RFX1: variants seen among roughly 807,000 people sequenced by gnomAD.
RFX1 encodes regulatory factor X1.
Under a neutral mutation model 119.6 loss-of-function variants are expected in RFX1, and 42 were observed. The observed-to-expected ratio is 0.35, with a 90% CI of 0.27 to 0.45. RFX1 has a LOEUF of 0.45. Ranked by LOEUF, RFX1 falls within the 20% of genes least tolerant of loss-of-function variation. The probability of loss-of-function intolerance (pLI) is 1.00; values close to 1 mark genes in which losing one functional copy is unlikely to be tolerated. For missense variants in RFX1, 1,118 were observed against 1,368.1 expected (o/e 0.82, Z 2.88); for synonymous variants, 628 against 618.5 (o/e 1.02, Z -0.23).
chr19:13,986,725 G>A lies in RFX1; in HGVS notation c.320-3130C>T, dbSNP rs1433338218. ...TCTGACACATTAACATCTCTGAGCA[G>A]TGGAATGACTCTGACAAGTGGGCAC... is the stretch of plus-strand genomic sequence containing the variant. On this transcript the variant is annotated intron_variant, in intron 2 of 20. Transcript: ENST00000254325. The surrounding 1 kb of genome is among the most constrained non-coding windows in gnomAD (Gnocchi z 4.2). Among the ~76,000 whole-genome samples the A allele has an allele frequency of 6.6e-6, 1 of 152,270 alleles. No homozygotes were observed. The highest frequency in any genetic ancestry group is 1.9e-4 in the East Asian group (1 of 5,168).
In RFX1 at chr19:13,969,395, A is replaced by C. The variant is rs922342565; in HGVS notation, c.1497-501T>G. Among the ~76,000 whole-genome samples, 1 of 152,284 alleles carries C rather than the reference A, an allele frequency of 6.6e-6. No homozygotes were observed. The highest frequency in any genetic ancestry group is 1.5e-5 in the Non-Finnish European group (1 of 68,012). On this transcript the variant is annotated intron_variant, in intron 10 of 20. Transcript: ENST00000254325. This position sits in a 1 kb window ranked among gnomAD's most constrained non-coding sequence, Gnocchi z 4.5. ...GGCCGGGCACGGTGGGGTCATGCCT[A>C]TAATCCTAGCACTTTGGGAGGCCAA...
intron 2 of RFX1, among the ~76,000 whole-genome samples, chr19:13,988,667 C>A (rs190356710): frequency 1.3e-5 from 2 of 152,154 alleles, no homozygotes; most frequent in African/African-American, 4.8e-5. Context: ...ACTGACAGAG[C>A]CCTGCCTGCA....
intron 8 of RFX1, among the ~76,000 whole-genome samples, chr19:13,975,898 G>C (rs1974242388): frequency 6.6e-6 from 1 of 152,236 alleles, no homozygotes; most frequent in African/African-American, 2.4e-5. Context: ...CTGACAGCAG[G>C]AGTGGCCCCC....
chr19:13,978,644 G>GA (rs1974330918), intron 7 of RFX1, among the ~76,000 whole-genome samples: 2 of 152,164 alleles, frequency 1.3e-5, no homozygotes, highest in Non-Finnish European at 2.9e-5. Flanking sequence ...CGACCCGTCG[G>GA]GCGGAGGTGG....
chr19:13,988,492 C>A (rs2145608118), intron 2 of RFX1, among the ~76,000 whole-genome samples: 1 of 152,334 alleles, frequency 6.6e-6, no homozygotes, highest in African/African-American at 2.4e-5. Flanking sequence ...CAGGACCCAT[C>A]AGACACTCTG....
At chr19:13,983,899 G>T (rs1301211850) in intron 2 of RFX1, among the ~76,000 whole-genome samples, 1 of 152,204 alleles carries the variant, frequency 6.6e-6, no homozygotes, top group Admixed American at 6.5e-5. Flanking sequence ...AACCCAGAAG[G>T]CTGGACCCTT....
At position 13,968,445 on chromosome 19, in the gene RFX1, G is replaced by T. The variant is rs1001860324; in HGVS notation, c.1732+120C>A. On this transcript the variant is annotated intron_variant, in intron 12 of 20. Transcript: ENST00000254325. The surrounding 1 kb of genome is among the most constrained non-coding windows in gnomAD (Gnocchi z 5.5). ...TCTCCCCCACCCCCTGCTGGTTCTC[G>T]GGCATCTCTCACCAAGCCCTCCCCA... 14 of 763,208 alleles carry T rather than the reference G, an allele frequency of 1.8e-5. No individual in the cohort carries two copies. The highest frequency in any genetic ancestry group is 1.9e-5 in the Admixed American group (1 of 52,722). 47.3% of individuals were successfully genotyped at this position (763,208 alleles called of 1,614,324 possible). A position where few individuals can be genotyped will look rare whatever the true frequency, so the allele number is the denominator to read the frequency against.
chr19:13,979,394 C>T, intron 7 of RFX1, 53 bp downstream of exon 7: 1 of 1,355,104 alleles, frequency 7.4e-7, no homozygotes, highest in South Asian at 1.5e-5. Flanking sequence ...ACTCCCCAGC[C>T]CCAGCCCGGG....
intron 2 of RFX1, among the ~76,000 whole-genome samples, 153 bp from the exon 3 acceptor site, chr19:13,983,748 T>C (rs1047634124): frequency 6.6e-6 from 1 of 152,162 alleles, no homozygotes; most frequent in Non-Finnish European, 1.5e-5. Context: ...CAGCCCTGAC[T>C]GCACCCATCA....
Position 13,980,742 on chromosome 19 carries a change from T to TGGGGTGGGCTCGCATCCTCTCA in RFX1, c.622-54_622-53insTGAGAGGATGCGAGCCCACCCC. ...CGCTGGGGTGGGCTTGCATCCTCTC[T>TGGGGTGGGCTCGCATCCTCTCA]GAGGTGGGCTCACACACACACCCTT... On this transcript the variant is annotated intron_variant, in intron 5 of 20. Transcript: ENST00000254325. This position sits in a 1 kb window ranked among gnomAD's most constrained non-coding sequence, Gnocchi z 5.1. 4.6e-6 allele frequency: 6 copies of TGGGGTGGGCTCGCATCCTCTCA among 1,301,076 alleles called. No homozygotes were observed. Among genetic ancestry groups the TGGGGTGGGCTCGCATCCTCTCA allele is most frequent in the Non-Finnish European group, 6.5e-6 (6 of 925,934 alleles). 80.6% of individuals were successfully genotyped at this position (1,301,076 alleles called of 1,614,324 possible).
At position 13,962,826 on chromosome 19, in the gene RFX1, G is replaced by A. The variant is rs1385084150; in HGVS notation, c.2809C>T (p.Leu937=). Residue 937 remains leucine (L), a synonymous_variant, in exon 21 of 21, where the codon CTG becomes TTG. Transcript: ENST00000254325. ...GCCGCCAGTGAGATGTCCTGCGGCA[G>A]CTCGTCCTCGCTCTCCTCCTCCTCT... ...EEEEEESEDE[L]PQDISLAAGG... 1.3e-6 allele frequency: 2 copies of A among 1,527,412 alleles called. No individual in the cohort carries two copies. The highest frequency in any genetic ancestry group is 1.8e-6 in the Non-Finnish European group (2 of 1,140,766). 94.6% of individuals were successfully genotyped at this position (1,527,412 alleles called of 1,614,324 possible).
At chr19:13,984,699 C>T (rs1046428087) in intron 2 of RFX1, among the ~76,000 whole-genome samples, 2 of 152,108 alleles carry the variant, frequency 1.3e-5, no homozygotes, top group Admixed American at 6.6e-5. Context: ...CCTCCACCAT[C>T]AAGGAGCCAA....
rs1973714221 is a variant in RFX1, at chr19:13,962,384, G to A, written c.*311C>T. The A allele has an allele frequency of 1.6e-5, 7 of 434,738 alleles. No homozygotes were observed. The East Asian group carries it at 2.3e-4, about 14-fold the overall frequency. 26.9% of individuals were successfully genotyped at this position (434,738 alleles called of 1,614,324 possible). On this transcript the variant is annotated 3_prime_UTR_variant, in exon 21 of 21. Transcript: ENST00000254325. ...TGCCCCCTGGGGTGGTGGGAGGACGGGGCTGGGGAGAAGACGCTGGGGCCT... is the reference window on the plus strand; with the variant it reads ...TGCCCCCTGGGGTGGTGGGAGGACGAGGCTGGGGAGAAGACGCTGGGGCCT...
In RFX1 at chr19:13,980,133, G is replaced by C. The variant is rs1974381383; in HGVS notation, c.738+440C>G. On this transcript the variant is annotated intron_variant, in intron 6 of 20. Transcript: ENST00000254325. This position sits in a 1 kb window ranked among gnomAD's most constrained non-coding sequence, Gnocchi z 5.1. ...CCCTCAACTTCAGTGGTAACAACCA[G>C]ATGGTGCGCAGCCCCAGCATCTTAA... 6.6e-6 allele frequency among the ~76,000 whole-genome samples: 1 copy of C among 152,190 alleles called. No individual in the cohort carries two copies. The highest frequency in any genetic ancestry group is 1.5e-5 in the Non-Finnish European group (1 of 68,018).
chr19:13,970,265 G>T lies in RFX1; in HGVS notation c.1315-90C>A, dbSNP rs58149090. ...GCTGAGTGCCCCACATCGACTTCCA[G>T]CTGGGATCCTGACAGCCACGCCCAC... On this transcript the variant is annotated intron_variant, in intron 9 of 20. Transcript: ENST00000254325. 8.0e-3 allele frequency: 9,512 copies of T among 1,186,622 alleles called. 568 individuals are homozygous for T. In the African/African-American group the frequency reaches 0.13, roughly 16 times the overall value. 73.5% of individuals were successfully genotyped at this position (1,186,622 alleles called of 1,614,324 possible). A position where few individuals can be genotyped will look rare whatever the true frequency, so the allele number is the denominator to read the frequency against.
chr19:13,962,656 A>AGGGGG lies in RFX1; in HGVS notation c.*38_*39insCCCCC. 3.3e-6 allele frequency: 2 copies of AGGGGG among 599,406 alleles called. No individual in the cohort carries two copies. Among genetic ancestry groups the AGGGGG allele is most frequent in the South Asian group, 5.6e-5 (1 of 17,864 alleles). 37.1% of individuals were successfully genotyped at this position (599,406 alleles called of 1,614,324 possible). ...GAAGCTTTGAGGGACCCTGGCGTGG[A>AGGGGG]GGGGTGGCGGGGGCGGGTGGGGCGG... On this transcript the variant is annotated 3_prime_UTR_variant, in exon 21 of 21. Transcript: ENST00000254325.
At position 13,966,731 on chromosome 19, in the gene RFX1, C is replaced by T. The variant is rs1206834006; in HGVS notation, c.1753G>A (p.Asp585Asn). The change falls in exon 13 of 21, where the codon GAC becomes AAC. Residue 585 changes from aspartate to asparagine, a missense_variant. Physicochemically the swap from Asp to Asn is conservative, Grantham distance 23. Transcript: ENST00000254325. This position sits in a 1 kb window ranked among gnomAD's most constrained non-coding sequence, Gnocchi z 6.3. ...CCCTGGAGGTCGAGCTCTGTGAAGT[C>T]AGGGAGGCTCCGAGAGGCATCTAGG... ...QFLDASRSLPDFTELDLQGKV... is the reference protein window; with the variant it reads ...QFLDASRSLPNFTELDLQGKV... The T allele has an allele frequency of 2.5e-6, 4 of 1,609,234 alleles. No homozygotes were observed. In the Admixed American group the frequency reaches 5.1e-5, roughly 20 times the overall value.
Position 13,962,694 on chromosome 19 carries a change from C to T in RFX1, c.*1G>A, listed in dbSNP as rs1253363226. On this transcript the variant is annotated 3_prime_UTR_variant, in exon 21 of 21. Transcript: ENST00000254325. Reference sequence around the variant, plus strand: ...GCGGGTGGGGCGGGGAGGCCAAGGGCTTAGCTGGAGGGCAGCGCCTGCACG... The same window carrying T: ...GCGGGTGGGGCGGGGAGGCCAAGGGTTTAGCTGGAGGGCAGCGCCTGCACG... 6.6e-7 allele frequency: 1 copy of T among 1,525,140 alleles called. No homozygotes were observed. The highest frequency in any genetic ancestry group is 1.4e-5 in the African/African-American group (1 of 72,300). The allele number at this position is 1,525,140 out of a possible 1,614,324, so 94.5% of individuals were successfully genotyped here.
At chr19:13,971,256 C>A (rs1974068738) in intron 9 of RFX1, among the ~76,000 whole-genome samples, 1 of 151,748 alleles carries the variant, frequency 6.6e-6, no homozygotes. Context: ...ATTGCTTGAA[C>A]CTGGGAGGTG....
Sources: gnomAD v4.1 joint callset for allele counts (sites outside exome capture counted in the v4.1 genomes callset) on GRCh38, gnomAD v4.1.1 for gene constraint, Gnocchi (gnomAD v3.1) non-coding constraint, MANE v1.5 for transcripts, NCBI Gene and HGNC (gene_info 2026-07-23, HGNC 2026-07-21) for gene names.